Variants in SLC25A25 observed in about 807,000 individuals in gnomAD.
SLC25A25 encodes mitochondrial adenyl nucleotide antiporter SLC25A25.
In SLC25A25, 32 loss-of-function variants were observed where a neutral mutation model predicts 57.7. That is an observed-to-expected ratio of 0.55 (90% CI 0.42 to 0.74). The LOEUF (loss-of-function observed/expected upper bound fraction) is 0.74, where lower values mean the gene tolerates loss of function less well. Among genes scored for constraint, SLC25A25 ranks in the 30% least tolerant of loss-of-function variants. The pLI, the probability that SLC25A25 is intolerant of heterozygous loss-of-function variation, is 0.00. For missense variants in SLC25A25, 556 were observed against 701.3 expected (o/e 0.79, Z 2.34); for synonymous variants, 306 against 291.2 (o/e 1.05, Z -0.52).
chr9:128,076,754 C>T (rs1833025217), intron 1 of SLC25A25, among the ~76,000 whole-genome samples: 1 of 152,174 alleles, frequency 6.6e-6, no homozygotes, highest in South Asian at 2.1e-4. Context: ...AGGCGTGAGC[C>T]ACCACACCCG....
Position 128,102,523 on chromosome 9 carries a change from C to T in SLC25A25, c.624+42C>T, listed in dbSNP as rs975394827. On this transcript the variant is annotated intron_variant, in intron 5 of 10. Coordinates refer to ENST00000373069, the MANE Select transcript of SLC25A25 (RefSeq NM_001330988.2). This position sits in a 1 kb window ranked among gnomAD's most constrained non-coding sequence, Gnocchi z 4.1. The stretch of plus-strand genomic sequence containing the variant: ...CAGGGCCCTCATCTGCTCCCAGGGA[C>T]CCTTAGCCCAGAGTCACCCAGTCGT... 6.5e-7 allele frequency: 1 copy of T among 1,536,478 alleles called. No homozygotes were observed. Among genetic ancestry groups the T allele is most frequent in the Non-Finnish European group, 9.0e-7 (1 of 1,116,520 alleles).
intron 9 of SLC25A25, 77 bp downstream of exon 9, chr9:128,106,597 C>A: frequency 6.7e-7 from 1 of 1,483,906 alleles, no homozygotes; most frequent in Non-Finnish European, 9.0e-7. Flanking sequence ...TTGACGGACG[C>A]GTGGTTAGTG....
intron 1 of SLC25A25, among the ~76,000 whole-genome samples, chr9:128,082,474 T>A (rs1833176193): frequency 6.6e-6 from 1 of 152,150 alleles, no homozygotes; most frequent in Non-Finnish European, 1.5e-5. Context: ...GCTGATTGGT[T>A]CATTCCAGCG....
intron 1 of SLC25A25, among the ~76,000 whole-genome samples, chr9:128,081,838 T>C (rs1211164734): frequency 6.6e-6 from 1 of 152,086 alleles, no homozygotes; most frequent in African/African-American, 2.4e-5. Context: ...GGAAGATCCC[T>C]TGAGCCTGGG....
intron 1 of SLC25A25, among the ~76,000 whole-genome samples, chr9:128,094,734 C>T (rs1833511369): frequency 6.6e-6 from 1 of 152,212 alleles, no homozygotes; most frequent in Non-Finnish European, 1.5e-5. Context: ...TTACCTGAAG[C>T]ACCTGCTTTC....
chr9:128,083,604 G>A (rs1249507661), intron 1 of SLC25A25, among the ~76,000 whole-genome samples: 1 of 146,394 alleles, frequency 6.8e-6, no homozygotes, highest in Admixed American at 7.2e-5. Context: ...CCGCCTCCCG[G>A]GCTTACGCCA....
intron 1 of SLC25A25, among the ~76,000 whole-genome samples, chr9:128,076,804 C>T (rs1208445139): frequency 1.3e-5 from 2 of 152,120 alleles, no homozygotes; most frequent in Admixed American, 1.3e-4. Flanking sequence ...TATACTAATG[C>T]GAATTTGGCA....
intron 1 of SLC25A25, chr9:128,098,524 C>T (rs1833637801): frequency 1.3e-6 from 2 of 1,573,766 alleles, no homozygotes; most frequent in Non-Finnish European, 1.7e-6. Flanking sequence ...AGGGAACTTG[C>T]TCCCGGTGGT....
At chr9:128,088,906 G>C (rs568512928) in intron 1 of SLC25A25, among the ~76,000 whole-genome samples, 3 of 152,062 alleles carry the variant, frequency 2.0e-5, no homozygotes, top group Admixed American at 6.6e-5. Flanking sequence ...CTAAAAACAG[G>C]GCTCACATTC....
At position 128,107,130 on chromosome 9, in the gene SLC25A25, G is replaced by A; in HGVS notation, c.1314G>A (p.Gln438=). ...GCACCATGTCCAGTACCTGTGGCCA[G>A]CTGGCCAGCTACCCCCTGGCCCTAG... ...ACGTMSSTCG[Q]LASYPLALVR... The change falls in exon 10 of 11, where the codon CAG becomes CAA. Residue 438 remains glutamine, a synonymous_variant. Coordinates refer to ENST00000373069, the MANE Select transcript of SLC25A25 (RefSeq NM_001330988.2). 6.2e-7 allele frequency: 1 copy of A among 1,614,010 alleles called. No homozygotes were observed.
rs758293495 is a variant in SLC25A25 at position 128,101,312 on chromosome 9, G to A, written c.392G>A (p.Arg131His). 14 of 1,614,132 alleles carry A rather than the reference G, an allele frequency of 8.7e-6. No homozygotes were observed. The East Asian group carries it at 1.8e-4, about 21-fold the overall frequency. The change falls in exon 3 of 11, where the codon CGC (arginine) becomes CAC (histidine). Residue 131 changes from arginine (R) to histidine (H), a missense_variant. This residue lies in a region of SLC25A25 where 248 missense variants were observed against 273.5 expected (regional missense o/e 0.91). Coordinates refer to ENST00000373069, the MANE Select transcript of SLC25A25 (RefSeq NM_001330988.2). The surrounding 1 kb of genome is among the most constrained non-coding windows in gnomAD (Gnocchi z 4.9). ...FKSLDKKNDG[R>H]IDAQEIMQSL... Reference sequence around the variant, plus strand: ...CTCACGGCCTCTGTTCTTGCAGGACGCATTGACGCGCAGGAGATCATGCAG... The same window carrying A: ...CTCACGGCCTCTGTTCTTGCAGGACACATTGACGCGCAGGAGATCATGCAG...
chr9:128,082,035 ACTTT>A (rs2130792246), intron 1 of SLC25A25, among the ~76,000 whole-genome samples: 1 of 152,350 alleles, frequency 6.6e-6, no homozygotes, highest in Admixed American at 6.5e-5. Context: ...TATGCCTCTA[ACTTT>A]CTTGTAGAGA....
At chr9:128,091,489 C>G in intron 1 of SLC25A25, 1 of 987,208 alleles carries the variant, frequency 1.0e-6, no homozygotes, top group Non-Finnish European at 1.2e-6. Context: ...TAACTGGGAG[C>G]TCGAAGTTGC....
chr9:128,068,308 G>A lies in SLC25A25; in HGVS notation c.-12G>A. 7.3e-7 allele frequency: 1 copy of A among 1,375,416 alleles called. No homozygotes were observed. The highest frequency in any genetic ancestry group is 9.4e-7 in the Non-Finnish European group (1 of 1,063,584). 85.2% of individuals were successfully genotyped at this position (1,375,416 alleles called of 1,614,324 possible). A position where few individuals can be genotyped will look rare whatever the true frequency, so the allele number is the denominator to read the frequency against. ...GCTCCCGCCCGCGCCCGGAGCCCCT[G>A]CCTCGCGCCCGATGGTGAGCAGTGT... On this transcript the variant is annotated 5_prime_UTR_variant, in exon 1 of 11. Coordinates refer to ENST00000373069, the MANE Select transcript of SLC25A25 (RefSeq NM_001330988.2).
At chr9:128,084,264 T>A (rs1043889597) in intron 1 of SLC25A25, among the ~76,000 whole-genome samples, 1 of 13,536 alleles carries the variant, frequency 7.4e-5, no homozygotes, top group African/African-American at 1.0e-4. Flanking sequence ...AAACAGATTT[T>A]TTTTTTTTTT....
At chr9:128,080,077 C>T (rs1461170517) in intron 1 of SLC25A25, among the ~76,000 whole-genome samples, 1 of 150,454 alleles carries the variant, frequency 6.6e-6, no homozygotes, top group Non-Finnish European at 1.5e-5. Context: ...TAAAAAAACT[C>T]AGGAGGGGCC....
In SLC25A25 at chr9:128,103,885, C is replaced by G. The variant is rs745360121; in HGVS notation, c.783+46C>G. The G allele has an allele frequency of 5.1e-5, 75 of 1,482,840 alleles. No individual in the cohort carries two copies. The highest frequency in any genetic ancestry group is 6.4e-5 in the Non-Finnish European group (71 of 1,118,012). 91.9% of individuals were successfully genotyped at this position (1,482,840 alleles called of 1,614,324 possible). On this transcript the variant is annotated intron_variant, in intron 6 of 10. Coordinates refer to ENST00000373069, the MANE Select transcript of SLC25A25 (RefSeq NM_001330988.2). This position sits in a 1 kb window ranked among gnomAD's most constrained non-coding sequence, Gnocchi z 6.7. Reference sequence around the variant, plus strand: ...AGACCCCTGGGGGGCCAGTTTCCACCTGGGGGATGCTGCTTGGCTAGTTTT... The same window carrying G: ...AGACCCCTGGGGGGCCAGTTTCCACGTGGGGGATGCTGCTTGGCTAGTTTT...
At chr9:128,105,186 T>A (rs7849978) in intron 6 of SLC25A25, among the ~76,000 whole-genome samples, 12 of 80,996 alleles carry the variant, frequency 1.5e-4, no homozygotes, top group African/African-American at 5.6e-4. Flanking sequence ...TTTTTTTTTT[T>A]CTAAAATAGA....
chr9:128,105,985 TG>T (rs1187532769), intron 7 of SLC25A25, 104 bp downstream of exon 7: 2 of 1,553,436 alleles, frequency 1.3e-6, no homozygotes, highest in African/African-American at 1.4e-5. Flanking sequence ...GAGCCAGCCG[TG>T]GTACCCCAGG....
Sources: allele counts gnomAD v4.1 joint callset (sites outside exome capture counted in the v4.1 genomes callset), GRCh38; gene constraint gnomAD v4.1.1; regional missense constraint gnomAD v4.1.1; non-coding constraint Gnocchi (gnomAD v3.1); transcripts MANE v1.5; gene names NCBI Gene and HGNC (gene_info 2026-07-23, HGNC 2026-07-21).